The following TAB3 variants were observed in gnomAD, a reference collection of about 807,000 sequenced individuals.
The protein encoded by TAB3 is TGF-beta activated kinase 1 (MAP3K7) binding protein 3, also known as TGF-beta-activated kinase 1 and MAP3K7-binding protein 3.
A neutral mutation model predicts 48.1 loss-of-function variants in TAB3; 18 were observed. The observed-to-expected ratio is 0.37, with a 90% CI of 0.26 to 0.55. The LOEUF (loss-of-function observed/expected upper bound fraction) is 0.55, where lower values mean the gene tolerates loss of function less well. Among genes scored for constraint, TAB3 ranks in the 20% least tolerant of loss-of-function variants. The pLI is 0.78. For missense variants in TAB3, 414 were observed against 549.8 expected, an observed-to-expected ratio of 0.75 and a Z score of 2.47; for synonymous variants, 185 against 190.2, an observed-to-expected ratio of 0.97 and a Z score of 0.22.
chrX:30,855,267 G>A lies in TAB3; in HGVS notation c.398C>T (p.Ala133Val). 1 of 1,211,636 alleles carries A rather than the reference G, an allele frequency of 8.3e-7. No individual in the cohort carries two copies. The highest frequency in any genetic ancestry group is 1.1e-6 in the Non-Finnish European group (1 of 895,438). Residue 133 changes from alanine to valine, a missense_variant, in exon 6 of 11, where the codon GCT becomes GTT. By Grantham distance (64) the Ala-to-Val change is moderately conservative. Coordinates refer to ENST00000288422, the MANE Select transcript of TAB3 (RefSeq NM_152787.5). ...EPHSAPAVVA[A>V]TPNYNPFFMN... is the part of the protein sequence containing the mutation. ...AAAAAATGGATTGTAGTTGGGAGTA[G>A]CAGCAACAACAGCTGGAGCTGAGTG...
At chrX:30,884,981 G>C (rs140290769) in intron 1 of TAB3, among the ~76,000 whole-genome samples, 36 of 112,210 alleles carry the variant, frequency 3.2e-4, no homozygotes, top group African/African-American at 1.2e-3. Flanking sequence ...AGATCTGTCC[G>C]CTTTAATGAC....
intron 3 of TAB3, 49 bp from the exon 4 acceptor site, chrX:30,867,267 T>C (rs1373579775): frequency 8.9e-6 from 1 of 111,832 alleles, no homozygotes; most frequent in Non-Finnish European, 1.9e-5. Flanking sequence ...GAAATCTGAA[T>C]ATAGACTTCA....
At chrX:30,831,628 T>G in intron 10 of TAB3, 53 bp from the exon 11 acceptor site, 1 of 1,141,733 alleles carries the variant, frequency 8.8e-7, no homozygotes, top group Non-Finnish European at 1.2e-6. Flanking sequence ...ATTAACCTTT[T>G]TCCAAGTATA....
intron 5 of TAB3, 91 bp from the exon 6 acceptor site, chrX:30,855,653 T>G (rs936022855): frequency 8.8e-5 from 78 of 883,954 alleles, no homozygotes; most frequent in Middle Eastern, 7.8e-4. Context: ...ATGCAAATAC[T>G]ACTGTCACAG....
Position 30,831,332 on chromosome X carries a change from G to T in TAB3, c.*95C>A. 1 of 999,694 alleles carries T rather than the reference G, an allele frequency of 1.0e-6. No individual in the cohort carries two copies. Among genetic ancestry groups the T allele is most frequent in the Non-Finnish European group, 1.3e-6 (1 of 758,749 alleles). The allele number at this position is 999,694 out of a possible 1,213,427, so 82.4% of individuals were successfully genotyped here. A position where few individuals can be genotyped will look rare whatever the true frequency, so the allele number is the denominator to read the frequency against. On this transcript the variant is annotated 3_prime_UTR_variant, in exon 11 of 11. Coordinates refer to ENST00000288422, the MANE Select transcript of TAB3 (RefSeq NM_152787.5). ...TCCTCCCCGCTGTGCAATCGAAAATGAAAAGGCTGGGTGGATGAATAGAGT... is the reference window on the plus strand; with the variant it reads ...TCCTCCCCGCTGTGCAATCGAAAATTAAAAGGCTGGGTGGATGAATAGAGT...
intron 1 of TAB3, among the ~76,000 whole-genome samples, chrX:30,875,392 A>T (rs1360293815): frequency 1.8e-5 from 2 of 111,783 alleles, no homozygotes; most frequent in Non-Finnish European, 3.8e-5. Flanking sequence ...GAAGGAAAAA[A>T]GTTTGTAAAG....
intron 9 of TAB3, chrX:30,836,195 C>T (rs769227891): frequency 3.6e-5 from 4 of 111,853 alleles, no homozygotes; most frequent in East Asian, 2.8e-4. Flanking sequence ...AGATAAAAAA[C>T]GGGTTAAAGA....
intron 9 of TAB3, among the ~76,000 whole-genome samples, chrX:30,840,655 A>G (rs763907324): frequency 9.0e-6 from 1 of 111,162 alleles, no homozygotes; most frequent in African/African-American, 3.3e-5. Context: ...GTTTTCCTGC[A>G]CAAGCTCTCT....
chrX:30,833,940 C>T (rs183613487), intron 10 of TAB3, 111 bp downstream of exon 10: 21 of 647,235 alleles, frequency 3.2e-5, no homozygotes, highest in Non-Finnish European at 3.8e-5. Context: ...CTTAGAAACT[C>T]GGTAATGTTT....
chrX:30,855,211 G>A lies in TAB3; in HGVS notation c.454C>T (p.Pro152Ser), dbSNP rs752527673. The A allele has an allele frequency of 1.7e-6, 2 of 1,210,019 alleles. No individual in the cohort carries two copies. The highest frequency in any genetic ancestry group is 2.2e-6 in the Non-Finnish European group (2 of 895,271). ...MNEQNRSAAT[P>S]PSQPPQQPSS... is the part of the protein sequence containing the mutation. ...GGCTGTTGAGGTGGTTGTGAAGGAG[G>A]AGTAGCTGCACTTCTGTTCTGTTCG... The change falls in exon 6 of 11, where the codon CCT becomes TCT. Residue 152 changes from proline to serine, a missense_variant. By Grantham distance (74) the Pro-to-Ser change is moderately conservative. Coordinates refer to ENST00000288422, the MANE Select transcript of TAB3 (RefSeq NM_152787.5).
At chrX:30,847,235 T>C (rs1333740571) in intron 7 of TAB3, among the ~76,000 whole-genome samples, 1 of 110,903 alleles carries the variant, frequency 9.0e-6, no homozygotes, top group Non-Finnish European at 1.9e-5. Flanking sequence ...TAAATTCATA[T>C]ATAAATATTT....
chrX:30,868,459 ATATATAGCT>A (rs1430760300), intron 2 of TAB3, among the ~76,000 whole-genome samples: 7 of 47,262 alleles, frequency 1.5e-4, no homozygotes, highest in African/African-American at 6.6e-4. Context: ...GCTTATATAT[ATATATAGCT>A]TATATATATA....
At chrX:30,832,000 C>T (rs1272055526) in intron 10 of TAB3, among the ~76,000 whole-genome samples, 1 of 112,029 alleles carries the variant, frequency 8.9e-6, no homozygotes, top group Non-Finnish European at 1.9e-5. Flanking sequence ...TATTAAACAT[C>T]TGACTAAATG....
chrX:30,880,328 GACAA>G (rs1939963351), intron 1 of TAB3, among the ~76,000 whole-genome samples: 1 of 111,765 alleles, frequency 8.9e-6, no homozygotes, highest in Admixed American at 9.5e-5. Context: ...TACAAGTAGA[GACAA>G]ACAGACCAAA....
chrX:30,883,697 T>C (rs1168366909), intron 1 of TAB3, among the ~76,000 whole-genome samples: 1 of 112,262 alleles, frequency 8.9e-6, no homozygotes, highest in African/African-American at 3.2e-5. Context: ...GTGTTCATAA[T>C]CTTTCAGTAC....
chrX:30,841,133 A>G (rs1364036663), intron 9 of TAB3, among the ~76,000 whole-genome samples: 1 of 112,606 alleles, frequency 8.9e-6, no homozygotes, highest in East Asian at 2.8e-4. Flanking sequence ...TTTAGAAATC[A>G]ATAGACTATT....
At chrX:30,863,824 C>G (rs1428135034) in intron 4 of TAB3, among the ~76,000 whole-genome samples, 1 of 112,031 alleles carries the variant, frequency 8.9e-6, no homozygotes, top group Non-Finnish European at 1.9e-5. Flanking sequence ...CCTTTAAAAA[C>G]ACAAAGTTTT....
chrX:30,866,047 TTACAG>T (rs1448888281), intron 4 of TAB3, among the ~76,000 whole-genome samples: 12 of 111,942 alleles, frequency 1.1e-4, no homozygotes, highest in African/African-American at 3.9e-4. Flanking sequence ...AGGATTTTTA[TTACAG>T]TAGAGACCAT....
chrX:30,873,713 A>G (rs1449770499), intron 1 of TAB3, among the ~76,000 whole-genome samples: 2 of 111,783 alleles, frequency 1.8e-5, no homozygotes, highest in Non-Finnish European at 3.8e-5. Context: ...CTTAATGAGT[A>G]GTAAATATAT....
Sources: allele counts gnomAD v4.1 joint callset (sites outside exome capture counted in the v4.1 genomes callset), GRCh38; gene constraint gnomAD v4.1.1; transcripts MANE v1.5; gene names NCBI Gene and HGNC (gene_info 2026-07-23, HGNC 2026-07-21).